CCDC73: variants seen among roughly 807,000 people sequenced by gnomAD.
CCDC73 encodes the protein coiled-coil domain containing 73, also known as coiled-coil domain-containing protein 73.
Under a neutral mutation model 116.5 loss-of-function variants are expected in CCDC73, and 95 were observed. The ratio of observed to expected loss-of-function variants is 0.82; its 90% CI spans 0.69 to 0.97. The LOEUF is 0.97. Ranked by LOEUF, CCDC73 falls within the 50% of genes least tolerant of loss-of-function variation. CCDC73 has a pLI of 0.00. For missense variants in CCDC73, 1,066 were observed against 1,206.8 expected (o/e 0.88, Z 1.73); for synonymous variants, 398 against 401.3 (o/e 0.99, Z 0.10).
intron 11 of CCDC73, 76 bp downstream of exon 11, chr11:32,653,902 T>A (rs1435676815): frequency 6.6e-7 from 1 of 1,508,474 alleles, no homozygotes; most frequent in Non-Finnish European, 8.9e-7. Flanking sequence ...GTGCTATGCA[T>A]GATTCCACTT....
In CCDC73 at chr11:32,609,355, CAG is replaced by C. The variant is rs532504518; in HGVS notation, c.3030+1775_3030+1776del. On this transcript the variant is annotated intron_variant, in intron 17 of 17. Transcript: ENST00000335185. ...TTCAAAGTTCCACAAATCTCTAGGA[CAG>C]GGGCAAAATGCTACCAATTTCTTTA... Among the ~76,000 whole-genome samples, 221 of 152,288 alleles carry C rather than the reference CAG, an allele frequency of 1.5e-3. 2 individuals are homozygous for C. Among genetic ancestry groups the C allele is most frequent in the Non-Finnish European group, 2.4e-3 (165 of 68,016 alleles).
intron 1 of CCDC73, among the ~76,000 whole-genome samples, chr11:32,778,161 G>A (rs1590643510): frequency 6.6e-6 from 1 of 152,152 alleles, no homozygotes; most frequent in South Asian, 2.1e-4. Flanking sequence ...GCAGTTCCTG[G>A]ACCAACAATA....
chr11:32,826,130 T>C, the CCDC73 span, among the ~76,000 whole-genome samples: 2 of 152,238 alleles, frequency 1.3e-5, no homozygotes, highest in Non-Finnish European at 2.9e-5. Context: ...TAAGCAAATG[T>C]TTAAAATAAA....
intron 4 of CCDC73, among the ~76,000 whole-genome samples, chr11:32,701,881 G>GCA (rs1267423368): frequency 7.9e-5 from 12 of 151,566 alleles, no homozygotes; most frequent in African/African-American, 1.9e-4. Flanking sequence ...CTTTTAAAAA[G>GCA]CACACACACA....
chr11:32,808,667 T>C, the CCDC73 span, among the ~76,000 whole-genome samples: 1 of 151,754 alleles, frequency 6.6e-6, no homozygotes, highest in Non-Finnish European at 1.5e-5. Flanking sequence ...CATAAATTGA[T>C]AATTGTTGAA....
At chr11:32,776,928 AAAAAAAAAATATATATAT>A (rs1395037812) in intron 1 of CCDC73, among the ~76,000 whole-genome samples, 1 of 16,326 alleles carries the variant, frequency 6.1e-5, no homozygotes, top group African/African-American at 1.7e-4. Context: ...GTATGGTTAA[AAAAAAAAAATATATATAT>A]ATATATATAT....
intron 2 of CCDC73, among the ~76,000 whole-genome samples, chr11:32,739,266 T>G (rs982855934): frequency 1.3e-5 from 2 of 152,136 alleles, no homozygotes; most frequent in African/African-American, 4.8e-5. Context: ...TTGCTTTAAA[T>G]TTGTAGATTG....
At chr11:32,682,962 C>A in intron 7 of CCDC73, 1 of 155,436 alleles carries the variant, frequency 6.4e-6, no homozygotes, top group Non-Finnish European at 1.4e-5. Context: ...TTAATAATTA[C>A]ATGTTTACAT....
At chr11:32,637,017 C>CTTTTT (rs71063750) in intron 13 of CCDC73, among the ~76,000 whole-genome samples, 134 of 87,902 alleles carry the variant, frequency 1.5e-3, no homozygotes, top group Middle Eastern at 8.8e-3. Flanking sequence ...TTTTCTTTTT[C>CTTTTT]TTTTTTTTTT....
the CCDC73 span, among the ~76,000 whole-genome samples, chr11:32,802,675 A>AC: frequency 2.0e-5 from 3 of 152,220 alleles, no homozygotes; most frequent in Admixed American, 6.5e-5. Flanking sequence ...TGAACCACTC[A>AC]CTAATAACTA....
chr11:32,607,104 T>C (rs2133212994), intron 17 of CCDC73, among the ~76,000 whole-genome samples: 1 of 68,152 alleles, frequency 1.5e-5, no homozygotes, highest in South Asian at 4.3e-4. Flanking sequence ...TTTTTTTTTT[T>C]TTTTTTGAGA....
intron 9 of CCDC73, among the ~76,000 whole-genome samples, chr11:32,659,609 T>C (rs1590574868): frequency 6.6e-6 from 1 of 152,176 alleles, no homozygotes; most frequent in East Asian, 1.9e-4. Context: ...TAAACATCCA[T>C]AAATTTGTAC....
Position 32,648,382 on chromosome 11 carries a change from T to C in CCDC73, c.939+4741A>G, listed in dbSNP as rs564085607. ...TATGTAATGTGGGGTTAAACATGCTTAACTAGAAGTCCTGACCAGGCAATA... is the reference window on the plus strand; with the variant it reads ...TATGTAATGTGGGGTTAAACATGCTCAACTAGAAGTCCTGACCAGGCAATA... On this transcript the variant is annotated intron_variant, in intron 12 of 17. Transcript: ENST00000335185. Among the ~76,000 whole-genome samples the C allele has an allele frequency of 1.9e-4, 29 of 152,328 alleles. No individual in the cohort carries two copies. The South Asian group carries it at 3.3e-3, about 17-fold the overall frequency.
chr11:32,617,474 A>C (rs1214987121), intron 14 of CCDC73, among the ~76,000 whole-genome samples: 1 of 152,230 alleles, frequency 6.6e-6, no homozygotes. Flanking sequence ...TCCATGAACC[A>C]CTGATAAGTT....
At chr11:32,642,607 C>T (rs1855743098) in intron 12 of CCDC73, among the ~76,000 whole-genome samples, 1 of 151,964 alleles carries the variant, frequency 6.6e-6, no homozygotes, top group Admixed American at 6.6e-5. Flanking sequence ...ATCACTACCA[C>T]ACTCTCCCTC....
At chr11:32,696,178 C>T (rs558664710) in intron 6 of CCDC73, among the ~76,000 whole-genome samples, 1 of 152,078 alleles carries the variant, frequency 6.6e-6, no homozygotes, top group South Asian at 2.1e-4. Context: ...TATTAACAAA[C>T]TTAATAACAT....
At chr11:32,809,408 C>T in the CCDC73 span, among the ~76,000 whole-genome samples, 1 of 152,164 alleles carries the variant, frequency 6.6e-6, no homozygotes, top group Non-Finnish European at 1.5e-5. Flanking sequence ...CTGGTTAGGA[C>T]GCTAGGGGGC....
At chr11:32,630,896 A>G (rs1230812552) in intron 14 of CCDC73, among the ~76,000 whole-genome samples, 2 of 152,204 alleles carry the variant, frequency 1.3e-5, no homozygotes, top group African/African-American at 4.8e-5. Context: ...TATATAATAC[A>G]AATGTTAATC....
rs2133220495 is a variant in CCDC73 at position 32,613,914 on chromosome 11, T to G, written c.2404A>C (p.Thr802Pro). ...TTTTTATTGGAAAACTCTGTTTCTG[T>G]GCAAGTTTTCATGTGAACAGCAGTT... is the stretch of plus-strand genomic sequence containing the variant. ...VKTAVHMKTC[T>P]ETEFSNKKNQ... The change falls in exon 16 of 18, where the codon ACA (threonine) becomes CCA (proline). Residue 802 changes from threonine to proline, a missense_variant. Transcript: ENST00000335185. The G allele has an allele frequency of 3.7e-6, 6 of 1,612,458 alleles. No homozygotes were observed. The East Asian group carries it at 1.3e-4, about 36-fold the overall frequency.
Sources: gnomAD v4.1 joint callset for allele counts (sites outside exome capture counted in the v4.1 genomes callset) on GRCh38, gnomAD v4.1.1 for gene constraint, MANE v1.5 for transcripts, NCBI Gene and HGNC (gene_info 2026-07-23, HGNC 2026-07-21) for gene names.